The following NDUFA10 variants were observed in gnomAD, a reference collection of about 807,000 sequenced individuals.
NDUFA10 encodes the protein NADH dehydrogenase [ubiquinone] 1 alpha subcomplex subunit 10, mitochondrial.
In NDUFA10, 40 loss-of-function variants were observed where a neutral mutation model predicts 47.8. That is an observed-to-expected ratio of 0.84 (90% confidence interval 0.65 to 1.09). The LOEUF (loss-of-function observed/expected upper bound fraction) is 1.09, where lower values mean the gene tolerates loss of function less well. NDUFA10 is among the 50% of genes least tolerant of loss of function. The pLI is 0.00. For missense variants in NDUFA10, 413 were observed against 451.1 expected (o/e 0.92, Z 0.76); for synonymous variants, 183 against 172.2 (o/e 1.06, Z -0.49).
intron 4 of NDUFA10, among the ~76,000 whole-genome samples, chr2:239,902,286 A>C (rs1292599404): frequency 6.6e-6 from 1 of 152,178 alleles, no homozygotes; most frequent in Non-Finnish European, 1.5e-5. Flanking sequence ...CGGCCACCCC[A>C]ATCTTCAGCA....
In NDUFA10 at chr2:240,016,214, C is replaced by G. The variant is rs1697340920; in HGVS notation, c.548-1354G>C. Reference sequence around the variant, plus strand: ...GGTGTGACAAAGCAAAGGACGGAGGCTGCCAGTGGAGTACCGTTCACCTGA... The same window carrying G: ...GGTGTGACAAAGCAAAGGACGGAGGGTGCCAGTGGAGTACCGTTCACCTGA... On this transcript the variant is annotated intron_variant, in intron 4 of 9. Transcript: ENST00000252711. The surrounding 1 kb of genome is among the most constrained non-coding windows in gnomAD (Gnocchi z 4.4). Among the ~76,000 whole-genome samples, 1 of 152,166 alleles carries G rather than the reference C, an allele frequency of 6.6e-6. No homozygotes were observed. Among genetic ancestry groups the G allele is most frequent in the African/African-American group, 2.4e-5 (1 of 41,436 alleles).
rs139926757 is a variant in NDUFA10, at chr2:239,961,116, G to A, written c.*2C>T. The A allele has an allele frequency of 1.4e-3, 2,225 of 1,614,176 alleles. 40 individuals are homozygous for A. The African/African-American group carries it at 0.025, about 18-fold the overall frequency. ...ATGCAGCTGGAGCAGAAGGCGGCCC[G>A]TTCACTTCAGCCAGATCCACTTGTC... On this transcript the variant is annotated 3_prime_UTR_variant, in exon 10 of 10. Transcript: ENST00000252711.
intron 8 of NDUFA10, among the ~76,000 whole-genome samples, chr2:239,996,835 A>G (rs1696500355): frequency 6.7e-6 from 1 of 150,156 alleles, no homozygotes; most frequent in African/African-American, 2.5e-5. Flanking sequence ...CTCATCAGCT[A>G]TCGTCAGTGT....
intron 8 of NDUFA10, among the ~76,000 whole-genome samples, chr2:239,995,853 A>T (rs1696452353): frequency 6.6e-6 from 1 of 152,238 alleles, no homozygotes; most frequent in Admixed American, 6.5e-5. Flanking sequence ...GGCATTACAT[A>T]ACGATAAAGC....
At chr2:239,977,926 T>C (rs1051210038) in intron 9 of NDUFA10, among the ~76,000 whole-genome samples, 1 of 152,140 alleles carries the variant, frequency 6.6e-6, no homozygotes, top group Non-Finnish European at 1.5e-5. Flanking sequence ...ACAGAGTGTC[T>C]CCCCATGGGA....
At chr2:239,953,663 G>A (rs1464570224), downstream of NDUFA10, among the ~76,000 whole-genome samples, 1 of 152,038 alleles carries the variant, frequency 6.6e-6, no homozygotes, top group Admixed American at 6.5e-5. Context: ...ACCACCTCCT[G>A]TGCCCTCTTA....
intron 4 of NDUFA10, among the ~76,000 whole-genome samples, chr2:239,907,425 T>C (rs7355648): frequency 0.72 from 108,698 of 151,988 alleles, 39,175 homozygotes; most frequent in South Asian, 0.8. Context: ...AGAGCTTCTG[T>C]ACAGCAAAAG....
chr2:239,920,603 G>C (rs530673554), intron 4 of NDUFA10, among the ~76,000 whole-genome samples: 3 of 152,194 alleles, frequency 2.0e-5, no homozygotes, highest in Non-Finnish European at 2.9e-5. Flanking sequence ...CTGTGTCTCC[G>C]TCTCCTTAAC....
Position 240,015,740 on chromosome 2 carries a change from C to T in NDUFA10, c.548-880G>A, listed in dbSNP as rs151020255. On this transcript the variant is annotated intron_variant, in intron 4 of 9. Transcript: ENST00000252711. ...CTCCCAGAAGCCAACAGAGAGTGCA[C>T]GCCAGTGCATGTGGAGAGGCCATGC... Among the ~76,000 whole-genome samples the T allele has an allele frequency of 3.7e-3, 560 of 152,372 alleles. 11 individuals are homozygous for T. The highest frequency in any genetic ancestry group is 0.013 in the African/African-American group (524 of 41,578).
At chr2:240,021,690 C>T (rs961702702) in intron 2 of NDUFA10, among the ~76,000 whole-genome samples, 3 of 152,200 alleles carry the variant, frequency 2.0e-5, no homozygotes, top group African/African-American at 7.2e-5. Context: ...CCCCCTCTAG[C>T]GGGCAGCTGC....
At position 239,932,870 on chromosome 2, in the gene NDUFA10, C is replaced by T. The variant is rs146951910; in HGVS notation, c.295-37556G>A. The stretch of plus-strand genomic sequence containing the variant: ...TGCTGTGATTACAGGTGTGAGCCAC[C>T]GCGCCTGGCCTCTGATCAAAGTATT... On this transcript the variant is annotated intron_variant, in intron 4 of 5. Coordinates refer to the NDUFA10 transcript ENST00000419408. Among the ~76,000 whole-genome samples, 1,334 of 152,330 alleles carry T rather than the reference C, an allele frequency of 8.8e-3. 20 individuals are homozygous for T. The highest frequency in any genetic ancestry group is 0.03 in the African/African-American group (1,257 of 41,562).
rs533496872 is a variant in NDUFA10, at chr2:239,906,099, A to G, written c.295-10785T>C. Among the ~76,000 whole-genome samples, 16 of 152,276 alleles carry G rather than the reference A, an allele frequency of 1.1e-4. No homozygotes were observed. Among genetic ancestry groups the G allele is most frequent in the African/African-American group, 3.9e-4 (16 of 41,552 alleles). On this transcript the variant is annotated intron_variant, in intron 4 of 5. Transcript: ENST00000419408. This position sits in a 1 kb window ranked among gnomAD's most constrained non-coding sequence, Gnocchi z 4.3. ...GGGACCTTGAAGCAGCCCTGGCCAC[A>G]GATGTGTGCTGAGCTCATGACCTTC...
At chr2:240,018,688 G>A in intron 3 of NDUFA10, 49 bp from the exon 4 acceptor site, 1 of 1,578,718 alleles carries the variant, frequency 6.3e-7, no homozygotes, top group Non-Finnish European at 8.7e-7. Context: ...AGATAGCAAA[G>A]CACTGTCAAC....
chr2:239,902,847 C>G (rs1026813109), intron 4 of NDUFA10, among the ~76,000 whole-genome samples: 1 of 152,216 alleles, frequency 6.6e-6, no homozygotes, highest in African/African-American at 2.4e-5. Context: ...TCTTTGGAAA[C>G]AGCCAGGATT....
At chr2:239,926,482 T>A (rs1364970981) in intron 4 of NDUFA10, among the ~76,000 whole-genome samples, 1 of 152,230 alleles carries the variant, frequency 6.6e-6, no homozygotes, top group East Asian at 1.9e-4. Context: ...TGTGTGCCAG[T>A]CATATACAAG....
chr2:239,994,249 T>C (rs948048288), intron 8 of NDUFA10, among the ~76,000 whole-genome samples: 1 of 151,892 alleles, frequency 6.6e-6, no homozygotes, highest in African/African-American at 2.4e-5. Flanking sequence ...CAGCAGGAGG[T>C]GAGCAAGCAA....
At chr2:240,020,558 T>A (rs1004475428) in intron 3 of NDUFA10, among the ~76,000 whole-genome samples, 8 of 152,194 alleles carry the variant, frequency 5.3e-5, no homozygotes, top group African/African-American at 1.9e-4. Flanking sequence ...TCATGCCCTT[T>A]CATCCACCTT....
intron 9 of NDUFA10, among the ~76,000 whole-genome samples, chr2:239,979,541 T>C (rs550116541): frequency 6.6e-6 from 1 of 152,202 alleles, no homozygotes; most frequent in Admixed American, 6.5e-5. Context: ...AAGAAGCAAC[T>C]TGGCTGGGCA....
At chr2:239,970,789 A>T (rs1695275930) in intron 9 of NDUFA10, among the ~76,000 whole-genome samples, 1 of 152,270 alleles carries the variant, frequency 6.6e-6, no homozygotes, top group African/African-American at 2.4e-5. Flanking sequence ...AAGGCCACAA[A>T]GGAAATAAGA....
Sources: allele counts gnomAD v4.1 joint callset (sites outside exome capture counted in the v4.1 genomes callset), GRCh38; gene constraint gnomAD v4.1.1; non-coding constraint Gnocchi (gnomAD v3.1); transcripts MANE v1.5; gene names NCBI Gene and HGNC (gene_info 2026-07-23, HGNC 2026-07-21).